SYNPO2: variants seen among roughly 807,000 people sequenced by gnomAD.
SYNPO2 encodes the protein synaptopodin-2.
SYNPO2 carries 56 observed loss-of-function variants against 85.0 expected under a neutral mutation model. The observed-to-expected ratio is 0.66, with a 90% CI of 0.53 to 0.82. SYNPO2 has a LOEUF of 0.82. Among genes scored for constraint, SYNPO2 ranks in the 40% least tolerant of loss-of-function variants. The probability of loss-of-function intolerance (pLI) is 0.00; values close to 1 mark genes in which losing one functional copy is unlikely to be tolerated. For synonymous variants in SYNPO2, 602 were observed against 591.1 expected (o/e 1.02, Z -0.27); for missense variants, 1,575 against 1,534.2 (o/e 1.03, Z -0.44).
intron 1 of SYNPO2, among the ~76,000 whole-genome samples, chr4:118,931,649 A>G (rs1043205794): frequency 6.6e-6 from 1 of 152,188 alleles, no homozygotes; most frequent in African/African-American, 2.4e-5. Flanking sequence ...CGAGGCATAG[A>G]AAATTATGTA....
At position 119,031,281 on chromosome 4, in the gene SYNPO2, G is replaced by A. The variant is rs1312903866; in HGVS notation, c.2506G>A (p.Ala836Thr). 6.2e-7 allele frequency: 1 copy of A among 1,614,036 alleles called. No homozygotes were observed. The stretch of plus-strand genomic sequence containing the variant: ...CTTCAAAGGACCACAAGCAGCAGTA[G>A]CCAGTCAGAATTACACACCCAAACC... ...GPFKGPQAAV[A>T]SQNYTPKPTV... The change falls in exon 4 of 5, where the codon GCC becomes ACC. Residue 836 changes from alanine to threonine, a missense_variant. Ala to Thr is a moderately conservative substitution (Grantham distance 58). Around this residue, in one of 3 missense-constraint regions of SYNPO2, gnomAD observed 1,508 missense variants for 1,446.8 expected, o/e 1.04. Coordinates refer to ENST00000307142, the MANE Select transcript of SYNPO2 (RefSeq NM_133477.3).
chr4:118,909,057 C>G (rs1473894094), intron 1 of SYNPO2, among the ~76,000 whole-genome samples: 1 of 152,080 alleles, frequency 6.6e-6, no homozygotes, highest in Non-Finnish European at 1.5e-5. Context: ...CCTCAACATG[C>G]CCAGCAGCCT....
chr4:118,891,391 C>A (rs1732376308), intron 1 of SYNPO2, among the ~76,000 whole-genome samples: 1 of 152,044 alleles, frequency 6.6e-6, no homozygotes, highest in African/African-American at 2.4e-5. Flanking sequence ...ACCTTTTGTC[C>A]ATACGTTAAA....
chr4:118,894,076 A>G (rs1186699455), intron 1 of SYNPO2, among the ~76,000 whole-genome samples: 4 of 151,322 alleles, frequency 2.6e-5, no homozygotes, highest in Non-Finnish European at 5.9e-5. Context: ...GGTTCATGAA[A>G]TCATCATCAT....
At chr4:118,948,073 C>T (rs1312003040) in intron 1 of SYNPO2, among the ~76,000 whole-genome samples, 2 of 152,104 alleles carry the variant, frequency 1.3e-5, no homozygotes, top group Non-Finnish European at 2.9e-5. Context: ...ATAAAAAAAA[C>T]ACTTTTTTCC....
chr4:119,026,569 C>T, intron 2 of SYNPO2, 58 bp from the exon 3 acceptor site: 1 of 1,502,370 alleles, frequency 6.7e-7, no homozygotes, highest in Non-Finnish European at 8.9e-7. Flanking sequence ...TCAGGAAGTT[C>T]TTTGGCAGAT....
At chr4:118,851,463 G>A in intron 1 of SYNPO2, among the ~76,000 whole-genome samples, 1 of 151,758 alleles carries the variant, frequency 6.6e-6, no homozygotes, top group Non-Finnish European at 1.5e-5. Flanking sequence ...CTCCAGCCTG[G>A]GCAACAAGAG....
chr4:118,970,994 G>A (rs532858948), intron 1 of SYNPO2, among the ~76,000 whole-genome samples: 5 of 152,288 alleles, frequency 3.3e-5, no homozygotes, highest in Admixed American at 6.5e-5. Flanking sequence ...AGACAGGCTT[G>A]TTGTTAGACC....
intron 1 of SYNPO2, among the ~76,000 whole-genome samples, chr4:118,860,791 G>A (rs1268766306): frequency 3.3e-5 from 5 of 152,032 alleles, no homozygotes; most frequent in African/African-American, 1.2e-4. Context: ...TCTTGACCTC[G>A]TGACCCACTT....
chr4:118,977,005 G>A lies in SYNPO2; in HGVS notation c.106-46425G>A, dbSNP rs550146621. ...GGCTTCACCTAGAGGATCCCGCACC[G>A]GGGCTGCAGCTGGAGCTGCCTGCCA... On this transcript the variant is annotated intron_variant, in intron 1 of 4. Transcript: ENST00000307142. Among the ~76,000 whole-genome samples the A allele has an allele frequency of 1.6e-3, 238 of 152,356 alleles. 3 individuals are homozygous for A. The highest frequency in any genetic ancestry group is 6.8e-3 in the Middle Eastern group (2 of 294).
intron 1 of SYNPO2, among the ~76,000 whole-genome samples, chr4:119,007,246 GTATATACATATA>G (rs1560972155): frequency 4.0e-3 from 122 of 30,806 alleles, no homozygotes; most frequent in African/African-American, 0.014. Flanking sequence ...ATATATATAT[GTATATACATATA>G]TATATATATA....
At chr4:118,914,593 G>GT (rs1000008612) in intron 1 of SYNPO2, among the ~76,000 whole-genome samples, 6 of 152,182 alleles carry the variant, frequency 3.9e-5, no homozygotes, top group South Asian at 4.1e-4. Context: ...ATCTGGGAGG[G>GT]TTTTTTTGTG....
chr4:118,948,851 G>C (rs1236732084), intron 1 of SYNPO2, among the ~76,000 whole-genome samples: 2 of 152,074 alleles, frequency 1.3e-5, no homozygotes, highest in African/African-American at 4.8e-5. Context: ...GATTTGGAGG[G>C]GACAAATACC....
At chr4:118,936,770 C>T (rs1176564317) in intron 1 of SYNPO2, among the ~76,000 whole-genome samples, 1 of 152,168 alleles carries the variant, frequency 6.6e-6, no homozygotes, top group East Asian at 1.9e-4. Context: ...GTGGTGTCCT[C>T]CTCTCTTTCA....
intron 1 of SYNPO2, among the ~76,000 whole-genome samples, chr4:118,943,975 T>G (rs954328206): frequency 6.6e-6 from 1 of 152,214 alleles, no homozygotes; most frequent in Non-Finnish European, 1.5e-5. Flanking sequence ...GCCACATTTG[T>G]GTACAACCAA....
intron 1 of SYNPO2, among the ~76,000 whole-genome samples, chr4:119,009,473 C>G (rs1170036673): frequency 1.3e-5 from 2 of 152,082 alleles, no homozygotes; most frequent in Non-Finnish European, 2.9e-5. Context: ...TAATATGGTT[C>G]CTTGTAGGAA....
upstream of SYNPO2, among the ~76,000 whole-genome samples, chr4:118,887,768 A>T (rs1348926697): frequency 6.6e-6 from 1 of 152,144 alleles, no homozygotes; most frequent in Non-Finnish European, 1.5e-5. Flanking sequence ...GTTTCCATGA[A>T]CCTATCTGTG....
intron 3 of SYNPO2, among the ~76,000 whole-genome samples, chr4:119,028,467 C>T (rs554577278): frequency 7.4e-4 from 112 of 152,186 alleles, no homozygotes; most frequent in Non-Finnish European, 1.4e-3. Flanking sequence ...GCCATCTTCA[C>T]ATTTATAGCA....
rs562465465 is a variant in SYNPO2, at chr4:118,965,232, A to G, written c.106-58198A>G. Among the ~76,000 whole-genome samples the G allele has an allele frequency of 2.6e-5, 4 of 152,134 alleles. No individual in the cohort carries two copies. In the East Asian group the frequency reaches 7.7e-4, roughly 29 times the overall value. On this transcript the variant is annotated intron_variant, in intron 1 of 4. Transcript: ENST00000307142. Reference sequence around the variant, plus strand: ...GGGTCATGGGAGAGCACAGCAATAAACTTCAAATGACAGAGGGCACATTCC... The same window carrying G: ...GGGTCATGGGAGAGCACAGCAATAAGCTTCAAATGACAGAGGGCACATTCC...
Sources: gnomAD v4.1 joint callset for allele counts (sites outside exome capture counted in the v4.1 genomes callset) on GRCh38, gnomAD v4.1.1 for gene constraint, gnomAD v4.1.1 regional missense constraint, MANE v1.5 for transcripts, NCBI Gene and HGNC (gene_info 2026-07-23, HGNC 2026-07-21) for gene names.